Variants in DCAF17 observed in about 807,000 individuals in gnomAD.
DCAF17 encodes DDB1 and CUL4 associated factor 17.
Under a neutral mutation model 66.0 loss-of-function variants are expected in DCAF17, and 48 were observed. That is an observed-to-expected ratio of 0.73 (90% CI 0.58 to 0.92). DCAF17 has a LOEUF of 0.92. DCAF17 is among the 40% of genes least tolerant of loss of function. The pLI, the probability that DCAF17 is intolerant of heterozygous loss-of-function variation, is 0.00. For missense variants in DCAF17, 562 were observed against 622.8 expected, an observed-to-expected ratio of 0.90 and a Z score of 1.04; for synonymous variants, 206 against 214.6, an observed-to-expected ratio of 0.96 and a Z score of 0.35.
Position 171,478,106 on chromosome 2 carries a change from T to A in DCAF17, c.1266+36T>A, listed in dbSNP as rs947248148. On this transcript the variant is annotated intron_variant, in intron 12 of 13. Transcript: ENST00000375255. ...GGCCAGAGATGACAAACCAAACCAG[T>A]GTGTCCTTGCATTGTGAATTTCATA... 5.2e-6 allele frequency: 8 copies of A among 1,533,098 alleles called. No individual in the cohort carries two copies. In the Admixed American group the frequency reaches 1.3e-4, roughly 26 times the overall value. 95.0% of individuals were successfully genotyped at this position (1,533,098 alleles called of 1,614,324 possible).
At chr2:171,440,663 C>T (rs150426998) in intron 2 of DCAF17, among the ~76,000 whole-genome samples, 24 of 152,190 alleles carry the variant, frequency 1.6e-4, no homozygotes, top group East Asian at 1.9e-4. Flanking sequence ...AGTAGGAGTT[C>T]GGCTATGATT....
In DCAF17 at chr2:171,439,511, C is replaced by CTT. The variant is rs374646610; in HGVS notation, c.231-3992_231-3991dup. On this transcript the variant is annotated intron_variant, in intron 2 of 13. Transcript: ENST00000375255. ...TGATTTCTAGTATTTCTTTTTTTTCCTTTTTTTTTTTTTTTTTTTTTAGAA... is the reference window on the plus strand; with the variant it reads ...TGATTTCTAGTATTTCTTTTTTTTCCTTTTTTTTTTTTTTTTTTTTTTTAGAA... 3.9e-4 allele frequency among the ~76,000 whole-genome samples: 37 copies of CTT among 94,762 alleles called. 1 individual carries two copies. Among genetic ancestry groups the CTT allele is most frequent in the African/African-American group, 1.4e-3 (34 of 24,364 alleles). 62.2% of individuals were successfully genotyped at this position (94,762 alleles called of 152,430 possible). A position where few individuals can be genotyped will look rare whatever the true frequency, so the allele number is the denominator to read the frequency against.
At position 171,473,857 on chromosome 2, in the gene DCAF17, C is replaced by T. The variant is rs758677778; in HGVS notation, c.982-9C>T. Reference sequence around the variant, plus strand: ...AATCTTTGTCTTTAATACTTTTTTCCAACTTCAGGCAAAAAATGGGATCCA... The same window carrying T: ...AATCTTTGTCTTTAATACTTTTTTCTAACTTCAGGCAAAAAATGGGATCCA... On this transcript the variant is annotated splice_polypyrimidine_tract_variant and intron_variant, in intron 9 of 13. Coordinates refer to ENST00000375255, the MANE Select transcript of DCAF17 (RefSeq NM_025000.4). 1 of 1,608,900 alleles carries T rather than the reference C, an allele frequency of 6.2e-7. No homozygotes were observed. Among genetic ancestry groups the T allele is most frequent in the South Asian group, 1.1e-5 (1 of 90,798 alleles).
rs1408807015 is a variant in DCAF17, at chr2:171,483,178, C to G, written c.*2064C>G. 1 of 454,084 alleles carries G rather than the reference C, an allele frequency of 2.2e-6. No individual in the cohort carries two copies. The highest frequency in any genetic ancestry group is 6.9e-5 in the East Asian group (1 of 14,394). 28.1% of individuals were successfully genotyped at this position (454,084 alleles called of 1,614,324 possible). On this transcript the variant is annotated 3_prime_UTR_variant, in exon 14 of 14. Coordinates refer to ENST00000375255, the MANE Select transcript of DCAF17 (RefSeq NM_025000.4). ...ACAATGAAGCATGCTTCCCAGCTCG[C>G]CAGAGTGTCACACAGCTGCTCATTC...
At chr2:171,445,247 C>T (rs1250183658) in intron 3 of DCAF17, among the ~76,000 whole-genome samples, 1 of 152,024 alleles carries the variant, frequency 6.6e-6, no homozygotes, top group Non-Finnish European at 1.5e-5. Context: ...GCCTCAGCCT[C>T]CCAAGTAGCT....
At chr2:171,461,707 G>A (rs1410647668) in intron 8 of DCAF17, among the ~76,000 whole-genome samples, 1 of 152,166 alleles carries the variant, frequency 6.6e-6, no homozygotes, top group Admixed American at 6.5e-5. Flanking sequence ...TAACTGTACA[G>A]TTTGAGTTTT....
chr2:171,465,299 G>A (rs1368457097), intron 8 of DCAF17, among the ~76,000 whole-genome samples: 1 of 151,944 alleles, frequency 6.6e-6, no homozygotes, highest in Non-Finnish European at 1.5e-5. Context: ...ATGGAGTGAT[G>A]TGTTCAAAGG....
At chr2:171,474,018 G>T in intron 10 of DCAF17, 43 bp downstream of exon 10, 1 of 1,524,332 alleles carries the variant, frequency 6.6e-7, no homozygotes, top group East Asian at 2.3e-5. Context: ...AGCAGCTTTT[G>T]GTAGCATTTA....
At chr2:171,465,087 A>C (rs2105787389) in intron 8 of DCAF17, among the ~76,000 whole-genome samples, 1 of 151,970 alleles carries the variant, frequency 6.6e-6, no homozygotes, top group East Asian at 1.9e-4. Flanking sequence ...AATCCCAGCT[A>C]CTCGGGAGGC....
chr2:171,472,404 C>G (rs1470296992), intron 9 of DCAF17, among the ~76,000 whole-genome samples: 1 of 152,164 alleles, frequency 6.6e-6, no homozygotes, highest in Non-Finnish European at 1.5e-5. Context: ...GTCTCAAACT[C>G]CTGACCTCAA....
intron 12 of DCAF17, among the ~76,000 whole-genome samples, chr2:171,478,612 C>G (rs1696607532): frequency 6.6e-6 from 1 of 152,150 alleles, no homozygotes; most frequent in African/African-American, 2.4e-5. Flanking sequence ...TTTATGAAAT[C>G]AACTGATAGT....
Position 171,434,353 on chromosome 2 carries a change from G to C in DCAF17, c.-225G>C. The C allele has an allele frequency of 1.3e-6, 1 of 767,262 alleles. No homozygotes were observed. The highest frequency in any genetic ancestry group is 2.2e-6 in the Non-Finnish European group (1 of 455,278). 47.5% of individuals were successfully genotyped at this position (767,262 alleles called of 1,614,324 possible). ...AGAGAGCCTGGGGCAGATCGAAAAG[G>C]GAGTGCTTCTTCCCTTCTCTCCGCG... is the stretch of plus-strand genomic sequence containing the variant. On this transcript the variant is annotated 5_prime_UTR_variant, in exon 1 of 14. Coordinates refer to ENST00000375255, the MANE Select transcript of DCAF17 (RefSeq NM_025000.4).
chr2:171,441,432 G>A (rs1694302288), intron 2 of DCAF17, among the ~76,000 whole-genome samples: 1 of 152,160 alleles, frequency 6.6e-6, no homozygotes, highest in South Asian at 2.1e-4. Flanking sequence ...AGGCCAGTTA[G>A]GGCCTCAGTA....
chr2:171,467,886 A>G (rs563442393), intron 8 of DCAF17, among the ~76,000 whole-genome samples: 1 of 152,234 alleles, frequency 6.6e-6, no homozygotes, highest in South Asian at 2.1e-4. Flanking sequence ...GATGCTTAAT[A>G]AAGTATGCAC....
At chr2:171,448,156 G>A (rs1190671240) in intron 3 of DCAF17, among the ~76,000 whole-genome samples, 1 of 151,846 alleles carries the variant, frequency 6.6e-6, no homozygotes, top group Admixed American at 6.6e-5. Flanking sequence ...TTTTGAGACG[G>A]GATCTCACTC....
intron 9 of DCAF17, among the ~76,000 whole-genome samples, chr2:171,470,328 C>T (rs1464416260): frequency 6.6e-6 from 1 of 152,066 alleles, no homozygotes; most frequent in African/African-American, 2.4e-5. Context: ...TTATGCTGAC[C>T]TTGCTCAATC....
chr2:171,435,277 A>G (rs1693798721), intron 2 of DCAF17, 91 bp downstream of exon 2: 1 of 968,550 alleles, frequency 1.0e-6, no homozygotes, highest in Non-Finnish European at 1.6e-6. Context: ...ATTAGTGCCT[A>G]GTGAAATAGA....
intron 6 of DCAF17, among the ~76,000 whole-genome samples, chr2:171,455,119 C>T (rs1695178425): frequency 6.9e-6 from 1 of 144,804 alleles, no homozygotes; most frequent in Non-Finnish European, 1.5e-5. Context: ...TTTCCTGATC[C>T]TTTCCCTCCT....
At chr2:171,446,292 A>G (rs1466137980) in intron 3 of DCAF17, among the ~76,000 whole-genome samples, 2 of 152,168 alleles carry the variant, frequency 1.3e-5, no homozygotes, top group Non-Finnish European at 2.9e-5. Context: ...TCACGCCTGT[A>G]ATCCCAGCAC....
Sources: gnomAD v4.1 joint callset for allele counts (sites outside exome capture counted in the v4.1 genomes callset) on GRCh38, gnomAD v4.1.1 for gene constraint, MANE v1.5 for transcripts, NCBI Gene and HGNC (gene_info 2026-07-23, HGNC 2026-07-21) for gene names.